The following TTC21B variants were observed in gnomAD, a reference collection of about 807,000 sequenced individuals.
TTC21B encodes tetratricopeptide repeat protein 21B.
Under a neutral mutation model 175.1 loss-of-function variants are expected in TTC21B, and 127 were observed. The ratio of observed to expected loss-of-function variants is 0.73; its 90% CI spans 0.63 to 0.84. The LOEUF (loss-of-function observed/expected upper bound fraction) is 0.84. TTC21B is among the 40% of genes least tolerant of loss of function. The pLI is 0.00. For missense variants in TTC21B, 1,561 were observed against 1,558.3 expected (o/e 1.00, Z -0.03); for synonymous variants, 524 against 524.5 (o/e 1.00, Z 0.01).
rs370860586 is a variant in TTC21B, at chr2:165,941,070, G to C, written c.667C>G (p.Leu223Val). The C allele has an allele frequency of 3.7e-5, 59 of 1,613,826 alleles. No homozygotes were observed. The highest frequency in any genetic ancestry group is 4.5e-5 in the Non-Finnish European group (53 of 1,179,868). The change falls in exon 6 of 29, where the codon CTA (leucine) becomes GTA (valine). Residue 223 changes from leucine to valine, a missense_variant. Coordinates refer to ENST00000243344, the MANE Select transcript of TTC21B (RefSeq NM_024753.5). ...PAFVKKMKLQ[L>V]ALQDWDQTVE... is the part of the protein sequence containing the mutation. ...GTCTGGTCCCAATCCTGCAAGGCTAGTTGTAATTTCATTTTCTTAACAAAA... is the reference window on the plus strand; with the variant it reads ...GTCTGGTCCCAATCCTGCAAGGCTACTTGTAATTTCATTTTCTTAACAAAA...
Position 165,930,314 on chromosome 2 carries a change from T to C in TTC21B, c.945A>G (p.Arg315=), listed in dbSNP as rs757369814. Residue 315 remains arginine (R), a synonymous_variant, in exon 9 of 29, where the codon AGA becomes AGG. Transcript: ENST00000243344. ...ATTGCTGAGGGTTTAAACTAAAAGC[T>C]CTCTCAAGTAACGTTTGAATTTTTT... The part of the protein sequence containing the change: ...ILQKIQTLLE[R]AFSLNPQQSE... 17 of 1,612,680 alleles carry C rather than the reference T, an allele frequency of 1.1e-5. No individual in the cohort carries two copies. In the East Asian group the frequency reaches 3.8e-4, roughly 36 times the overall value.
In TTC21B at chr2:165,943,192, G is replaced by A. The variant is rs758544690; in HGVS notation, c.552+27C>T. 3.8e-5 allele frequency: 62 copies of A among 1,611,318 alleles called. 1 individual carries two copies. The South Asian group carries it at 6.5e-4, about 17-fold the overall frequency. ...ATATTATGAATATATTTTGAAACAT[G>A]ATTTATTTACCCTAACTCCAACTCA... On this transcript the variant is annotated intron_variant, in intron 5 of 28. Coordinates refer to ENST00000243344, the MANE Select transcript of TTC21B (RefSeq NM_024753.5).
At chr2:165,929,934 A>G (rs1386630860) in intron 9 of TTC21B, among the ~76,000 whole-genome samples, 187 bp from the exon 10 acceptor site, 5 of 152,114 alleles carry the variant, frequency 3.3e-5, no homozygotes, top group Non-Finnish European at 1.5e-5. Context: ...CTTGGACCTT[A>G]TAAAATCATT....
intron 6 of TTC21B, among the ~76,000 whole-genome samples, chr2:165,935,130 A>G (rs971908085): frequency 1.3e-5 from 2 of 152,210 alleles, no homozygotes; most frequent in South Asian, 4.1e-4. Context: ...CAAGATGGAA[A>G]GCGTCTAGGT....
At chr2:165,909,978 G>A (rs548372716) in intron 18 of TTC21B, among the ~76,000 whole-genome samples, 2 of 152,324 alleles carry the variant, frequency 1.3e-5, no homozygotes, top group Admixed American at 6.5e-5. Context: ...GATGGGGGCA[G>A]GGAGACTGAA....
intron 1 of TTC21B, 34 bp from the exon 2 acceptor site, chr2:165,949,758 A>G: frequency 1.3e-6 from 2 of 1,586,516 alleles, no homozygotes; most frequent in Non-Finnish European, 1.7e-6. Context: ...GTTATAAAGG[A>G]ATTCTGGTGC....
At chr2:165,911,606 A>G (rs1220011170) in intron 17 of TTC21B, 141 bp from the exon 18 acceptor site, 1 of 841,158 alleles carries the variant, frequency 1.2e-6, no homozygotes. Context: ...CTGCCTGTCA[A>G]TTAAGTATGT....
intron 22 of TTC21B, 47 bp downstream of exon 22, chr2:165,898,639 A>G: frequency 7.9e-7 from 1 of 1,264,538 alleles, no homozygotes. Flanking sequence ...AAAAAGGAGA[A>G]AGGGAGGGGT....
chr2:165,875,230 C>G (rs1469964781), intron 28 of TTC21B, among the ~76,000 whole-genome samples: 1 of 151,852 alleles, frequency 6.6e-6, no homozygotes, highest in African/African-American at 2.4e-5. Context: ...TTGAGACATA[C>G]GTATTTCTAG....
chr2:165,902,394 G>C (rs1172561142), intron 19 of TTC21B, among the ~76,000 whole-genome samples: 2 of 152,178 alleles, frequency 1.3e-5, no homozygotes, highest in Non-Finnish European at 2.9e-5. Flanking sequence ...TGATTCACTA[G>C]TGAATGCATT....
At chr2:165,934,098 T>C (rs2105349998) in intron 6 of TTC21B, 1 of 152,282 alleles carries the variant, frequency 6.6e-6, no homozygotes, top group Non-Finnish European at 1.5e-5. Flanking sequence ...ATACTTATTA[T>C]TATATGTCCT....
At position 165,915,271 on chromosome 2, in the gene TTC21B, C is replaced by T. The variant is rs1225615928; in HGVS notation, c.2068G>A (p.Ala690Thr). ...TAAATATCTGCCATTTTTTCTCTGG[C>T]CTCTATAAAATAAGGCTGTTCGGCT... ...VTAEQPYFIE[A>T]REKMADIYLK... Residue 690 changes from alanine (A) to threonine (T), a missense_variant, in exon 15 of 29, where the codon GCC becomes ACC. Physicochemically the swap from Ala to Thr is moderately conservative, Grantham distance 58. Coordinates refer to ENST00000243344, the MANE Select transcript of TTC21B (RefSeq NM_024753.5). 1.9e-6 allele frequency: 3 copies of T among 1,613,814 alleles called. No individual in the cohort carries two copies. In the South Asian group the frequency reaches 3.3e-5, roughly 18 times the overall value.
At chr2:165,881,785 T>A (rs1190859500) in intron 26 of TTC21B, among the ~76,000 whole-genome samples, 1 of 152,116 alleles carries the variant, frequency 6.6e-6, no homozygotes, top group Non-Finnish European at 1.5e-5. Context: ...TTCCAGAATA[T>A]GAGTTTAAAA....
chr2:165,913,436 T>G, intron 16 of TTC21B, 138 bp downstream of exon 16: 1 of 630,256 alleles, frequency 1.6e-6, no homozygotes, highest in Non-Finnish European at 2.8e-6. Flanking sequence ...TCCTTTAAAA[T>G]GGATATCTCC....
At chr2:165,903,630 G>A (rs1685637702) in intron 19 of TTC21B, among the ~76,000 whole-genome samples, 1 of 152,168 alleles carries the variant, frequency 6.6e-6, no homozygotes, top group African/African-American at 2.4e-5. Flanking sequence ...ATGACAGAGA[G>A]GGCTACGGAA....
At chr2:165,940,112 TTAAAC>T (rs1390929149) in intron 6 of TTC21B, among the ~76,000 whole-genome samples, 1 of 152,286 alleles carries the variant, frequency 6.6e-6, no homozygotes, top group East Asian at 1.9e-4. Flanking sequence ...TGGAATCACC[TTAAAC>T]TATTCTTTCT....
Position 165,888,169 on chromosome 2 carries a change from A to C in TTC21B, c.3459+110T>G. The C allele has an allele frequency of 3.4e-6, 3 of 877,784 alleles. No homozygotes were observed. The East Asian group carries it at 7.9e-5, about 23-fold the overall frequency. 54.4% of individuals were successfully genotyped at this position (877,784 alleles called of 1,614,324 possible). A position where few individuals can be genotyped will look rare whatever the true frequency, so the allele number is the denominator to read the frequency against. On this transcript the variant is annotated intron_variant, in intron 25 of 28. Transcript: ENST00000243344. ...CAACTATATACCTAATTTTTAATAAAAGTTAAGTAATTAAGTCAATCTTCA... is the reference window on the plus strand; with the variant it reads ...CAACTATATACCTAATTTTTAATAACAGTTAAGTAATTAAGTCAATCTTCA...
At chr2:165,929,090 C>T in intron 11 of TTC21B, 45 bp downstream of exon 11, 1 of 1,561,008 alleles carries the variant, frequency 6.4e-7, no homozygotes, top group Non-Finnish European at 8.8e-7. Context: ...TTTCATAAAA[C>T]ATCAAGTAAA....
At position 165,919,426 on chromosome 2, in the gene TTC21B, A is replaced by G. The variant is rs747544020; in HGVS notation, c.1524T>C (p.Ile508=). 2 of 1,614,006 alleles carry G rather than the reference A, an allele frequency of 1.2e-6. No individual in the cohort carries two copies. The highest frequency in any genetic ancestry group is 1.7e-5 in the Admixed American group (1 of 60,012). Residue 508 remains isoleucine (I), a synonymous_variant, in exon 13 of 29, where the codon ATT becomes ATC. Coordinates refer to ENST00000243344, the MANE Select transcript of TTC21B (RefSeq NM_024753.5). The part of the protein sequence containing the change: ...IAKVKYLSGD[I]EAAFNNLQHC... ...GCTGAAGGTTATTGAAAGCTGCTTC[A>G]ATATCACCTAATAAGAAAAACAATG...
Sources: gnomAD v4.1 joint callset for allele counts (sites outside exome capture counted in the v4.1 genomes callset) on GRCh38, gnomAD v4.1.1 for gene constraint, MANE v1.5 for transcripts, NCBI Gene and HGNC (gene_info 2026-07-23, HGNC 2026-07-21) for gene names.